TANC1: variants seen among roughly 807,000 people sequenced by gnomAD.
The protein encoded by TANC1 is protein TANC1.
TANC1 carries 77 observed loss-of-function variants against 149.7 expected under a neutral mutation model. The ratio of observed to expected loss-of-function variants is 0.51; its 90% CI spans 0.43 to 0.62. TANC1 has a LOEUF of 0.62. Ranked by LOEUF, TANC1 falls within the 20% of genes least tolerant of loss-of-function variation. TANC1 has a pLI of 0.00. For synonymous variants in TANC1, 854 were observed against 925.0 expected, an observed-to-expected ratio of 0.92 and a Z score of 1.39; for missense variants, 1,985 against 2,321.8, an observed-to-expected ratio of 0.85 and a Z score of 2.98.
chr2:159,052,943 T>A (rs115605892), intron 2 of TANC1, among the ~76,000 whole-genome samples: 1,922 of 152,364 alleles, frequency 0.013, 26 homozygotes, highest in Middle Eastern at 0.068. Context: ...TATCTGTGTT[T>A]CAATATAATT....
intron 20 of TANC1, among the ~76,000 whole-genome samples, chr2:159,218,643 GT>G (rs2059496961): frequency 6.6e-6 from 1 of 152,158 alleles, no homozygotes; most frequent in Admixed American, 6.6e-5. Flanking sequence ...GTTTTCTAGG[GT>G]TTTTTCTCCC....
intron 19 of TANC1, among the ~76,000 whole-genome samples, chr2:159,212,429 A>G (rs914892093): frequency 3.3e-5 from 5 of 152,306 alleles, no homozygotes; most frequent in Middle Eastern, 3.4e-3. Context: ...GATCAAATCA[A>G]TCCAGAAAAT....
At chr2:159,179,749 G>A (rs62171131) in intron 14 of TANC1, among the ~76,000 whole-genome samples, 4,654 of 152,290 alleles carry the variant, frequency 0.031, 94 homozygotes, top group African/African-American at 0.055. Context: ...ACCAGGCTGG[G>A]ATGCAGTTCT....
At chr2:159,118,956 T>G (rs564762557) in intron 4 of TANC1, among the ~76,000 whole-genome samples, 4 of 152,352 alleles carry the variant, frequency 2.6e-5, no homozygotes, top group African/African-American at 9.6e-5. Flanking sequence ...GCAGACATCT[T>G]AAAGTAAAAA....
intron 16 of TANC1, among the ~76,000 whole-genome samples, chr2:159,192,021 C>G (rs974073605): frequency 6.6e-6 from 1 of 151,074 alleles, no homozygotes; most frequent in Non-Finnish European, 1.5e-5. Context: ...ATCTGAAGAT[C>G]TGAAAAAAAA....
chr2:159,184,103 A>T (rs538950546), intron 14 of TANC1, among the ~76,000 whole-genome samples: 1 of 152,342 alleles, frequency 6.6e-6, no homozygotes, highest in Non-Finnish European at 1.5e-5. Context: ...GTGGTCTTGC[A>T]TAAGTCGCTT....
In TANC1 at chr2:159,203,912, C is replaced by G. The variant is rs570040680; in HGVS notation, c.3244+4859C>G. On this transcript the variant is annotated intron_variant, in intron 19 of 26. Transcript: ENST00000263635. ...TTTGTGAAGGCAGAAATTTCCCTGTCTCTTGTCCACACCATTGTGTATGGC... is the reference window on the plus strand; with the variant it reads ...TTTGTGAAGGCAGAAATTTCCCTGTGTCTTGTCCACACCATTGTGTATGGC... 6.9e-3 allele frequency among the ~76,000 whole-genome samples: 1,051 copies of G among 152,334 alleles called. 7 individuals are homozygous for G. The highest frequency in any genetic ancestry group is 0.011 in the Non-Finnish European group (778 of 68,032).
intron 1 of TANC1, among the ~76,000 whole-genome samples, chr2:158,993,876 T>C (rs895897890): frequency 6.6e-6 from 1 of 152,246 alleles, no homozygotes; most frequent in Non-Finnish European, 1.5e-5. Context: ...CAAATAGCAT[T>C]TGAATGCCTT....
intron 3 of TANC1, among the ~76,000 whole-genome samples, chr2:159,087,733 T>A (rs1197994306): frequency 1.3e-5 from 2 of 151,712 alleles, no homozygotes; most frequent in Non-Finnish European, 2.9e-5. Context: ...GGGTTGTGGG[T>A]GAAATTGTGT....
Position 159,199,030 on chromosome 2 carries a change from C to T in TANC1, c.3221C>T (p.Thr1074Ile). 6.2e-7 allele frequency: 1 copy of T among 1,613,944 alleles called. No individual in the cohort carries two copies. The highest frequency in any genetic ancestry group is 8.5e-7 in the Non-Finnish European group (1 of 1,179,866). The change falls in exon 19 of 27, where the codon ACC (threonine) becomes ATC (isoleucine). Residue 1074 changes from threonine (T) to isoleucine (I), a missense_variant. Around this residue, in one of 3 missense-constraint regions of TANC1, gnomAD observed 920 missense variants for 994.7 expected, o/e 0.92. Transcript: ENST00000263635. ...GAACATGAAGTAGAAGTCAATGGCA[C>T]CGACACATTGTGGGGAGAAACAGGT... The part of the protein sequence containing the change: ...EKEHEVEVNG[T>I]DTLWGETALT...
In TANC1 at chr2:159,229,905, A is replaced by T. The variant is rs1419368520; in HGVS notation, c.4479A>T (p.Glu1493Asp). 6.2e-7 allele frequency: 1 copy of T among 1,613,954 alleles called. No individual in the cohort carries two copies. Among genetic ancestry groups the T allele is most frequent in the African/African-American group, 1.3e-5 (1 of 74,928 alleles). ...CCTCATACATCCGAAACCTTCAAGA[A>T]GGGTTACAGTCCAAAGGAAGGCCGG... Reference protein sequence around the residue: ...VPSSYIRNLQEGLQSKGRPVS... With the variant: ...VPSSYIRNLQDGLQSKGRPVS... The change falls in exon 27 of 27, where the codon GAA (glutamate) becomes GAT (aspartate). Residue 1493 changes from glutamate to aspartate, a missense_variant. Transcript: ENST00000263635.
chr2:159,203,010 G>T (rs1285933521), intron 19 of TANC1, among the ~76,000 whole-genome samples: 1 of 152,130 alleles, frequency 6.6e-6, no homozygotes, highest in African/African-American at 2.4e-5. Flanking sequence ...TCAAGTGTGT[G>T]AGCCTGCTTG....
At chr2:158,995,599 A>G (rs1019968692) in intron 1 of TANC1, among the ~76,000 whole-genome samples, 2 of 152,166 alleles carry the variant, frequency 1.3e-5, no homozygotes, top group Admixed American at 1.3e-4. Flanking sequence ...GGGTTTTTAC[A>G]GAATGGGATA....
At position 159,004,085 on chromosome 2, in the gene TANC1, T is replaced by C. The variant is rs1288477446; in HGVS notation, c.-16+2896T>C. The C allele has an allele frequency of 2.5e-6, 4 of 1,611,806 alleles. No individual in the cohort carries two copies. In the Admixed American group the frequency reaches 6.7e-5, roughly 27 times the overall value. On this transcript the variant is annotated intron_variant, in intron 2 of 26. Transcript: ENST00000263635. ...CCAAAGTCCAAGCTTCCCTTTCTGC[T>C]AATACCTTTGCAATTACTGGTCATG...
chr2:159,164,463 T>C (rs191427391), intron 8 of TANC1, among the ~76,000 whole-genome samples: 76 of 152,218 alleles, frequency 5.0e-4, no homozygotes, highest in Middle Eastern at 3.4e-3. Flanking sequence ...CTGGAAGTGA[T>C]CTCCAGTGCA....
At chr2:159,158,159 C>G (rs979331179) in intron 7 of TANC1, among the ~76,000 whole-genome samples, 3 of 152,072 alleles carry the variant, frequency 2.0e-5, no homozygotes, top group Non-Finnish European at 2.9e-5. Flanking sequence ...AGTTCAAAAC[C>G]AGCCTGGGCA....
At position 159,149,222 on chromosome 2, in the gene TANC1, G is replaced by A. The variant is rs1323327599; in HGVS notation, c.445G>A (p.Gly149Arg). The A allele has an allele frequency of 6.2e-7, 1 of 1,614,118 alleles. No individual in the cohort carries two copies. The highest frequency in any genetic ancestry group is 2.2e-5 in the East Asian group (1 of 44,884). The change falls in exon 6 of 27, where the codon GGG becomes AGG. Residue 149 changes from glycine (G) to arginine (R), a missense_variant. By Grantham distance (125) the Gly-to-Arg change is moderately radical. Around this residue, in one of 3 missense-constraint regions of TANC1, gnomAD observed 557 missense variants for 612.9 expected, o/e 0.91. Transcript: ENST00000263635. Reference sequence around the variant, plus strand: ...AAGGCTGGGATTTTTACTGGGAGAAGGGATCCCAAGTGCCACACACATAAC... The same window carrying A: ...AAGGCTGGGATTTTTACTGGGAGAAAGGATCCCAAGTGCCACACACATAAC... The part of the protein sequence containing the change: ...LTRLGFLLGE[G>R]IPSATHITIE...
At chr2:159,142,030 G>C (rs1028069578) in intron 5 of TANC1, among the ~76,000 whole-genome samples, 3 of 152,228 alleles carry the variant, frequency 2.0e-5, no homozygotes, top group Non-Finnish European at 4.4e-5. Context: ...GACTTGTGAA[G>C]GTCTGTGACT....
chr2:159,122,185 GC>G (rs1390522434), intron 4 of TANC1, among the ~76,000 whole-genome samples: 3 of 152,262 alleles, frequency 2.0e-5, no homozygotes, highest in African/African-American at 4.8e-5. Flanking sequence ...CCATCTGCCC[GC>G]CTTGGTCTTC....
Sources: gnomAD v4.1 joint callset for allele counts (sites outside exome capture counted in the v4.1 genomes callset) on GRCh38, gnomAD v4.1.1 for gene constraint, gnomAD v4.1.1 regional missense constraint, MANE v1.5 for transcripts, NCBI Gene and HGNC (gene_info 2026-07-23, HGNC 2026-07-21) for gene names.